UFL1: variants seen among roughly 807,000 people sequenced by gnomAD.
UFL1 encodes the protein UFM1 specific ligase 1.
In UFL1, 78 loss-of-function variants were observed where a neutral mutation model predicts 99.3. The ratio of observed to expected loss-of-function variants is 0.79; its 90% CI spans 0.65 to 0.95. UFL1 has a LOEUF of 0.95. Among genes scored for constraint, UFL1 ranks in the 40% least tolerant of loss-of-function variants. UFL1 has a pLI of 0.00. For missense variants in UFL1, 936 were observed against 937.0 expected (o/e 1.00, Z 0.01); for synonymous variants, 335 against 322.2 (o/e 1.04, Z -0.42).
Position 96,542,889 on chromosome 6 carries a change from A to G in UFL1, c.1280-5A>G. ...TAATGCTAACTAATGTCATTTTCCC[A>G]CCAGAGGGCAGTGGAAGCATGAGAG... On this transcript the variant is annotated splice_region_variant and splice_polypyrimidine_tract_variant and intron_variant, in intron 11 of 18. Coordinates refer to ENST00000369278, the MANE Select transcript of UFL1 (RefSeq NM_015323.5). 6.4e-7 allele frequency: 1 copy of G among 1,562,380 alleles called. No homozygotes were observed. The highest frequency in any genetic ancestry group is 8.6e-7 in the Non-Finnish European group (1 of 1,160,150).
chr6:96,537,410 C>G lies in UFL1; in HGVS notation c.839C>G (p.Ala280Gly). ...DALSRLGIPD[A>G]VSYIKKRYKT... Reference sequence around the variant, plus strand: ...TTGTCCAGACTTGGAATCCCAGATGCTGTAAGCTACATAAAGAAAAGATAT... The same window carrying G: ...TTGTCCAGACTTGGAATCCCAGATGGTGTAAGCTACATAAAGAAAAGATAT... The change falls in exon 9 of 19, where the codon GCT becomes GGT. Residue 280 changes from alanine (A) to glycine (G), a missense_variant. Ala to Gly is a moderately conservative substitution (Grantham distance 60, BLOSUM62 0). Transcript: ENST00000369278. The G allele has an allele frequency of 6.3e-7, 1 of 1,595,482 alleles. No homozygotes were observed. The highest frequency in any genetic ancestry group is 8.5e-7 in the Non-Finnish European group (1 of 1,173,044).
At position 96,523,171 on chromosome 6, in the gene UFL1, A is replaced by T; in HGVS notation, c.103A>T (p.Ile35Phe). 6.2e-7 allele frequency: 1 copy of T among 1,612,196 alleles called. No individual in the cohort carries two copies. Among genetic ancestry groups the T allele is most frequent in the Non-Finnish European group, 8.5e-7 (1 of 1,179,194 alleles). ...GTTGTCCGAGCGGAACTGCATTGAG[A>T]TTGTTAATAAATTGATTGCTCAGAA... ...QRLSERNCIEIVNKLIAQKQL... is the reference protein window; with the variant it reads ...QRLSERNCIEFVNKLIAQKQL... Residue 35 changes from isoleucine (I) to phenylalanine (F), a missense_variant, in exon 2 of 19, where the codon ATT becomes TTT. Physicochemically the swap from Ile to Phe is conservative, Grantham distance 21. Coordinates refer to ENST00000369278, the MANE Select transcript of UFL1 (RefSeq NM_015323.5).
At chr6:96,546,311 G>A (rs946976201) in intron 12 of UFL1, among the ~76,000 whole-genome samples, 7 of 145,510 alleles carry the variant, frequency 4.8e-5, no homozygotes, top group Non-Finnish European at 9.1e-5. Flanking sequence ...TTTTACCAAA[G>A]AAATAGAAGA....
rs756814615 is a variant in UFL1, at chr6:96,552,669, C to T, written c.2166+7C>T. 3 of 1,584,994 alleles carry T rather than the reference C, an allele frequency of 1.9e-6. No individual in the cohort carries two copies. Among genetic ancestry groups the T allele is most frequent in the Non-Finnish European group, 2.6e-6 (3 of 1,170,660 alleles). ...TAATAGTAAAATTCCAGAGGTATTACATTTTCAATACACTTGAAACTTTCA... is the reference window on the plus strand; with the variant it reads ...TAATAGTAAAATTCCAGAGGTATTATATTTTCAATACACTTGAAACTTTCA... On this transcript the variant is annotated splice_region_variant and intron_variant, in intron 18 of 18. Coordinates refer to ENST00000369278, the MANE Select transcript of UFL1 (RefSeq NM_015323.5).
intron 11 of UFL1, among the ~76,000 whole-genome samples, chr6:96,540,929 C>T (rs748568520): frequency 1.3e-5 from 2 of 151,338 alleles, no homozygotes; most frequent in Non-Finnish European, 3.0e-5. Flanking sequence ...TGTTCCAGCC[C>T]AGTAGCCCTT....
rs1770126997 is a variant in UFL1, at chr6:96,554,455, TAG to T, written c.*954_*955del. On this transcript the variant is annotated 3_prime_UTR_variant, in exon 19 of 19. Coordinates refer to ENST00000369278, the MANE Select transcript of UFL1 (RefSeq NM_015323.5). Reference sequence around the variant, plus strand: ...AAAACTAGAAACCCTTATTAAAAAATAGACATTTTTTTCTAAAGATTATTAGT... The same window carrying T: ...AAAACTAGAAACCCTTATTAAAAAATACATTTTTTTCTAAAGATTATTAGT... 2 of 151,946 alleles carry T rather than the reference TAG, an allele frequency of 1.3e-5. No homozygotes were observed. The highest frequency in any genetic ancestry group is 3.9e-4 in the East Asian group (2 of 5,192). The allele number at this position is 151,946 out of a possible 1,614,324, so 9.4% of individuals were successfully genotyped here.
intron 2 of UFL1, 64 bp downstream of exon 2, chr6:96,523,355 A>T (rs1044782401): frequency 6.9e-7 from 1 of 1,442,526 alleles, no homozygotes; most frequent in Non-Finnish European, 9.3e-7. Context: ...CAAACAAACA[A>T]AACCCGTAAA....
At chr6:96,521,997 G>A (rs1199716034) in intron 1 of UFL1, 47 bp downstream of exon 1, 1 of 1,579,810 alleles carries the variant, frequency 6.3e-7, no homozygotes, top group South Asian at 1.1e-5. Context: ...TAGGCCGTGG[G>A]CGGACACGCC....
At position 96,526,271 on chromosome 6, in the gene UFL1, A is replaced by G. The variant is rs1769700736; in HGVS notation, c.351-50A>G. 2.0e-6 allele frequency: 3 copies of G among 1,497,106 alleles called. No individual in the cohort carries two copies. In the African/African-American group the frequency reaches 4.2e-5, roughly 21 times the overall value. 92.7% of individuals were successfully genotyped at this position (1,497,106 alleles called of 1,614,324 possible). ...ATTAAACATAAAATGAGGAAACAGA[A>G]AAAACATTCCTAATTCTTTTTTCTA... On this transcript the variant is annotated intron_variant, in intron 4 of 18. Coordinates refer to ENST00000369278, the MANE Select transcript of UFL1 (RefSeq NM_015323.5).
At chr6:96,534,470 A>G (rs1769826473) in intron 7 of UFL1, 149 bp downstream of exon 7, 2 of 602,298 alleles carry the variant, frequency 3.3e-6, no homozygotes, top group Non-Finnish European at 5.4e-6. Context: ...ATCAAGTTTT[A>G]TATATGTACC....
intron 6 of UFL1, among the ~76,000 whole-genome samples, chr6:96,529,485 T>C (rs964112858): frequency 6.6e-6 from 1 of 152,230 alleles, no homozygotes; most frequent in African/African-American, 2.4e-5. Context: ...GATGTCTCAT[T>C]ATCTGTAAGT....
In UFL1 at chr6:96,525,454, A is replaced by C; in HGVS notation, c.350+60A>C. 6 of 1,375,156 alleles carry C rather than the reference A, an allele frequency of 4.4e-6. No homozygotes were observed. In the South Asian group the frequency reaches 6.2e-5, roughly 14 times the overall value. The allele number at this position is 1,375,156 out of a possible 1,614,324, so 85.2% of individuals were successfully genotyped here. On this transcript the variant is annotated intron_variant, in intron 4 of 18. Transcript: ENST00000369278. The stretch of plus-strand genomic sequence containing the variant: ...TGTTTATTTTCTTTCTTTTTTTTAT[A>C]GTGTTTAAATTTAGGCCAATTATGG...
intron 12 of UFL1, among the ~76,000 whole-genome samples, chr6:96,547,030 TA>T (rs1770010794): frequency 6.6e-6 from 1 of 151,344 alleles, no homozygotes; most frequent in Non-Finnish European, 1.5e-5. Flanking sequence ...CACAGCAAAA[TA>T]AATAATTACA....
Position 96,521,957 on chromosome 6 carries a change from G to A in UFL1, c.77+7G>A, listed in dbSNP as rs552886092. On this transcript the variant is annotated splice_region_variant and intron_variant, in intron 1 of 18. Transcript: ENST00000369278. ...TCGCCGAGGCCACGCAGAGGTGCCC[G>A]ACCCTCCCTCTCCTTTGTGGAGCCC... 8.1e-6 allele frequency: 13 copies of A among 1,610,368 alleles called. No individual in the cohort carries two copies. The East Asian group carries it at 2.2e-4, about 28-fold the overall frequency.
chr6:96,548,062 T>G (rs1770024598), intron 12 of UFL1, 102 bp from the exon 13 acceptor site: 1 of 718,432 alleles, frequency 1.4e-6, no homozygotes, highest in Non-Finnish European at 2.3e-6. Flanking sequence ...GAGTAATGAA[T>G]GAATTATTGT....
chr6:96,542,793 AT>A, intron 11 of UFL1, 100 bp from the exon 12 acceptor site: 5 of 1,212,598 alleles, frequency 4.1e-6, no homozygotes, highest in Non-Finnish European at 5.3e-6. Flanking sequence ...TTTTGCCTTT[AT>A]TTTTTCTGCT....
In UFL1 at chr6:96,554,598, T is replaced by G. The variant is rs1249903987; in HGVS notation, c.*1095T>G. ...TAATTATTTTGAATATAATTATAAA[T>G]TAAATTTCAAATATTTAAAAATACT... On this transcript the variant is annotated 3_prime_UTR_variant, in exon 19 of 19. Transcript: ENST00000369278. 1 of 151,932 alleles carries G rather than the reference T, an allele frequency of 6.6e-6. No individual in the cohort carries two copies. The highest frequency in any genetic ancestry group is 1.9e-4 in the East Asian group (1 of 5,200). 9.4% of individuals were successfully genotyped at this position (151,932 alleles called of 1,614,324 possible).
chr6:96,548,025 A>G, intron 12 of UFL1, 139 bp from the exon 13 acceptor site: 1 of 600,674 alleles, frequency 1.7e-6, no homozygotes, highest in Non-Finnish European at 2.9e-6. Flanking sequence ...TGTTTTTACT[A>G]GTTGTTGCTA....
At chr6:96,541,082 C>T (rs142264637) in intron 11 of UFL1, among the ~76,000 whole-genome samples, 334 of 151,462 alleles carry the variant, frequency 2.2e-3, no homozygotes, top group African/African-American at 7.8e-3. Context: ...ATTCAGAGCT[C>T]GACTTTAAAT....
Sources: gnomAD v4.1 joint callset for allele counts (sites outside exome capture counted in the v4.1 genomes callset) on GRCh38, gnomAD v4.1.1 for gene constraint, MANE v1.5 for transcripts, NCBI Gene and HGNC (gene_info 2026-07-23, HGNC 2026-07-21) for gene names.